The following FUT8 variants were observed in gnomAD, a reference collection of about 807,000 sequenced individuals.
FUT8 encodes alpha-(1,6)-fucosyltransferase.
Under a neutral mutation model 71.3 loss-of-function variants are expected in FUT8, and 29 were observed. The observed-to-expected ratio is 0.41, with a 90% CI of 0.30 to 0.55. FUT8 has a LOEUF of 0.55. Among genes scored for constraint, FUT8 ranks in the 20% least tolerant of loss-of-function variants. The probability of loss-of-function intolerance (pLI) is 0.34; values close to 1 mark genes in which losing one functional copy is unlikely to be tolerated. For missense variants in FUT8, 544 were observed against 702.1 expected, an observed-to-expected ratio of 0.77 and a Z score of 2.55; for synonymous variants, 254 against 239.3, an observed-to-expected ratio of 1.06 and a Z score of -0.57.
the FUT8 span, among the ~76,000 whole-genome samples, chr14:65,383,271 T>C: frequency 1.6e-3 from 150 of 93,732 alleles, no homozygotes; most frequent in Admixed American, 2.5e-3. Flanking sequence ...TTTTCTTTTT[T>C]TTTTTTTTTT....
At chr14:65,720,876 C>T (rs73270609) in intron 7 of FUT8, among the ~76,000 whole-genome samples, 2,459 of 152,138 alleles carry the variant, frequency 0.016, 61 homozygotes, top group African/African-American at 0.052. Flanking sequence ...GCTAATGGCC[C>T]GGGTGTTGCT....
At chr14:65,385,141 C>A in the FUT8 span, among the ~76,000 whole-genome samples, 15 of 151,916 alleles carry the variant, frequency 9.9e-5, no homozygotes, top group Non-Finnish European at 2.1e-4. Context: ...TCAGGTGATG[C>A]ACCTGCCTCG....
chr14:65,611,301 A>ACCCC lies in FUT8; in HGVS notation c.204-4674_204-4671dup, dbSNP rs145798842. Among the ~76,000 whole-genome samples, 3 of 38,592 alleles carry ACCCC rather than the reference A, an allele frequency of 7.8e-5. 1 individual carries two copies. The highest frequency in any genetic ancestry group is 4.1e-4 in the African/African-American group (3 of 7,292). 25.3% of individuals were successfully genotyped at this position (38,592 alleles called of 152,430 possible). A position where few individuals can be genotyped will look rare whatever the true frequency, so the allele number is the denominator to read the frequency against. On this transcript the variant is annotated intron_variant, in intron 3 of 10. Coordinates refer to ENST00000673929, the MANE Select transcript of FUT8 (RefSeq NM_001371533.1). ...CACACACACACACACACACACACAC[A>ACCCC]CCCCCCAAGTAATAGCCTTGATTTT...
intron 3 of FUT8, among the ~76,000 whole-genome samples, chr14:65,578,616 ATTC>A (rs1228917195): frequency 2.0e-5 from 3 of 152,230 alleles, no homozygotes; most frequent in Non-Finnish European, 2.9e-5. Flanking sequence ...GCCCAAGACA[ATTC>A]TTCTTCTTCT....
chr14:65,595,678 G>T (rs1055962224), intron 3 of FUT8, among the ~76,000 whole-genome samples: 1 of 136,290 alleles, frequency 7.3e-6, no homozygotes, highest in Non-Finnish European at 1.5e-5. Flanking sequence ...GTGGGATCTC[G>T]GCTCACTGCA....
upstream of FUT8, among the ~76,000 whole-genome samples, chr14:65,409,924 T>G (rs768874461): frequency 6.6e-6 from 1 of 151,642 alleles, no homozygotes; most frequent in Non-Finnish European, 1.5e-5. The surrounding 1 kb of genome is among the most constrained non-coding windows in gnomAD (Gnocchi z 5.4). Flanking sequence ...AGGGGTGGAG[T>G]AAGAGGTGGA....
At chr14:65,505,187 G>C (rs2066708537) in intron 2 of FUT8, among the ~76,000 whole-genome samples, 1 of 151,310 alleles carries the variant, frequency 6.6e-6, no homozygotes, top group Non-Finnish European at 1.5e-5. Context: ...CACTTGACCT[G>C]ATTAGTCTTA....
chr14:65,541,453 C>A (rs192083201), intron 2 of FUT8, among the ~76,000 whole-genome samples: 2 of 152,148 alleles, frequency 1.3e-5, no homozygotes, highest in Admixed American at 1.3e-4. Context: ...GGAAGGCCTT[C>A]GGAGGGGATT....
At chr14:65,419,894 C>A (rs2065268698) in intron 1 of FUT8, among the ~76,000 whole-genome samples, 1 of 152,140 alleles carries the variant, frequency 6.6e-6, no homozygotes, top group Non-Finnish European at 1.5e-5. Flanking sequence ...ACATCCAGCC[C>A]TCTATCAACT....
At position 65,711,510 on chromosome 14, in the gene FUT8, C is replaced by A. The variant is rs151102151; in HGVS notation, c.836-10265C>A. ...CTCTCTTTTTTATAACAAAAAAATT[C>A]TCCTTCTTGCTCTTTCATTCTTCTT... On this transcript the variant is annotated intron_variant, in intron 7 of 10. Coordinates refer to ENST00000673929, the MANE Select transcript of FUT8 (RefSeq NM_001371533.1). 1.4e-3 allele frequency among the ~76,000 whole-genome samples: 206 copies of A among 152,000 alleles called. 4 individuals are homozygous for A. In the East Asian group the frequency reaches 0.038, roughly 28 times the overall value.
At chr14:65,499,817 C>CAAA (rs201429546) in intron 2 of FUT8, among the ~76,000 whole-genome samples, 126 of 119,442 alleles carry the variant, frequency 1.1e-3, no homozygotes, top group Non-Finnish European at 1.7e-3. Flanking sequence ...GACCCTGTCT[C>CAAA]AAAAAAAAAA....
intron 7 of FUT8, among the ~76,000 whole-genome samples, chr14:65,703,975 A>T (rs1022248920): frequency 6.6e-6 from 1 of 152,028 alleles, no homozygotes; most frequent in Non-Finnish European, 1.5e-5. Flanking sequence ...CTGCGTTTTC[A>T]TTTTCTTCTC....
At chr14:65,695,142 C>T (rs1398765483) in intron 7 of FUT8, among the ~76,000 whole-genome samples, 1 of 151,742 alleles carries the variant, frequency 6.6e-6, no homozygotes, top group Non-Finnish European at 1.5e-5. Context: ...GTGCATTCTA[C>T]TGTGGCTAGA....
At chr14:65,442,386 G>A (rs2065673941) in intron 1 of FUT8, among the ~76,000 whole-genome samples, 1 of 151,632 alleles carries the variant, frequency 6.6e-6, no homozygotes, top group Admixed American at 6.6e-5. Flanking sequence ...CGGCCAGGAT[G>A]GTCTCAATCT....
the FUT8 span, among the ~76,000 whole-genome samples, chr14:65,399,420 A>G: frequency 6.6e-6 from 1 of 152,244 alleles, no homozygotes. Context: ...CAGCCCTGAC[A>G]AACAGCCCAG....
Position 65,627,278 on chromosome 14 carries a change from G to A in FUT8, c.483-2214G>A, listed in dbSNP as rs1889946382. On this transcript the variant is annotated intron_variant, in intron 5 of 10. Transcript: ENST00000673929. This position sits in a 1 kb window ranked among gnomAD's most constrained non-coding sequence, Gnocchi z 4.0. ...GCAGGGAAGGAGTGTTAGCAGCAGT[G>A]AATCCATACGGGCCTGCAGCAGCTC... Among the ~76,000 whole-genome samples the A allele has an allele frequency of 6.6e-6, 1 of 152,146 alleles. No homozygotes were observed. The highest frequency in any genetic ancestry group is 2.4e-5 in the African/African-American group (1 of 41,434).
At chr14:65,711,675 T>A (rs1386013206) in intron 7 of FUT8, among the ~76,000 whole-genome samples, 1 of 152,218 alleles carries the variant, frequency 6.6e-6, no homozygotes, top group African/African-American at 2.4e-5. Flanking sequence ...AATTATAGTT[T>A]CTTGTCTGAT....
In FUT8 at chr14:65,550,439, G is replaced by A. The variant is rs1885225152; in HGVS notation, c.-227-10898G>A. Reference sequence around the variant, plus strand: ...TAACACAAAACTATTTTGTAATGAAGTGTTGAATATTTTGTAATTTATTGA... The same window carrying A: ...TAACACAAAACTATTTTGTAATGAAATGTTGAATATTTTGTAATTTATTGA... On this transcript the variant is annotated intron_variant, in intron 2 of 10. Coordinates refer to ENST00000673929, the MANE Select transcript of FUT8 (RefSeq NM_001371533.1). This position sits in a 1 kb window ranked among gnomAD's most constrained non-coding sequence, Gnocchi z 4.5. Among the ~76,000 whole-genome samples, 1 of 152,170 alleles carries A rather than the reference G, an allele frequency of 6.6e-6. No homozygotes were observed. Among genetic ancestry groups the A allele is most frequent in the Admixed American group, 6.6e-5 (1 of 15,266 alleles).
intron 10 of FUT8, among the ~76,000 whole-genome samples, chr14:65,736,860 T>C (rs1025324925): frequency 6.6e-6 from 1 of 152,136 alleles, no homozygotes; most frequent in Non-Finnish European, 1.5e-5. Flanking sequence ...GTTTAATATC[T>C]CCTTCATAAT....
Sources: allele counts gnomAD v4.1 joint callset (sites outside exome capture counted in the v4.1 genomes callset), GRCh38; gene constraint gnomAD v4.1.1; non-coding constraint Gnocchi (gnomAD v3.1); transcripts MANE v1.5; gene names NCBI Gene and HGNC (gene_info 2026-07-23, HGNC 2026-07-21).